The following DIAPH2 variants were observed in gnomAD, a reference collection of about 807,000 sequenced individuals.
DIAPH2 encodes the protein diaphanous related formin 2, also known as protein diaphanous homolog 2.
Under a neutral mutation model 92.7 loss-of-function variants are expected in DIAPH2, and 35 were observed. The ratio of observed to expected loss-of-function variants is 0.38; its 90% CI spans 0.29 to 0.50. The LOEUF is 0.50. DIAPH2 is among the 20% of genes least tolerant of loss of function. The pLI is 0.94. For missense variants in DIAPH2, 701 were observed against 819.5 expected, an observed-to-expected ratio of 0.86 and a Z score of 1.77; for synonymous variants, 301 against 280.4, an observed-to-expected ratio of 1.07 and a Z score of -0.73.
intron 4 of DIAPH2, among the ~76,000 whole-genome samples, chrX:96,844,855 C>A (rs1002920184): frequency 8.9e-6 from 1 of 112,172 alleles, no homozygotes; most frequent in Non-Finnish European, 1.9e-5. Flanking sequence ...ACACCCCATT[C>A]ATTACACAAG....
chrX:97,158,045 T>C (rs1393188462), intron 22 of DIAPH2, among the ~76,000 whole-genome samples: 1 of 111,914 alleles, frequency 8.9e-6, no homozygotes, highest in Non-Finnish European at 1.9e-5. Flanking sequence ...AGTCAGTTTA[T>C]TATATATCAA....
At position 96,923,236 on chromosome X, in the gene DIAPH2, G is replaced by T. The variant is rs151235101; in HGVS notation, c.978+4619G>T. Reference sequence around the variant, plus strand: ...ATATTTCAATATATACAAAGAAGTGGAGTAGCATAATTTAATACATTTAAA... The same window carrying T: ...ATATTTCAATATATACAAAGAAGTGTAGTAGCATAATTTAATACATTTAAA... On this transcript the variant is annotated intron_variant, in intron 9 of 26. Coordinates refer to ENST00000324765, the MANE Select transcript of DIAPH2 (RefSeq NM_006729.5). Among the ~76,000 whole-genome samples, 772 of 111,974 alleles carry T rather than the reference G, an allele frequency of 6.9e-3. 25 individuals carry two copies. Among genetic ancestry groups the T allele is most frequent in the Admixed American group, 0.059 (627 of 10,552 alleles).
chrX:96,849,326 C>G (rs750321398), intron 4 of DIAPH2, among the ~76,000 whole-genome samples: 1 of 111,091 alleles, frequency 9.0e-6, no homozygotes, highest in African/African-American at 3.3e-5. Context: ...CCACCACGCC[C>G]GGATAATTTT....
At chrX:97,291,088 CAAAAA>C (rs376936652) in intron 23 of DIAPH2, among the ~76,000 whole-genome samples, 3 of 95,616 alleles carry the variant, frequency 3.1e-5, no homozygotes, top group African/African-American at 1.2e-4. Context: ...CAGGCTCTGT[CAAAAA>C]AAAAACAAAA....
At chrX:97,495,872 C>T (rs1201274248) in intron 26 of DIAPH2, among the ~76,000 whole-genome samples, 1 of 111,551 alleles carries the variant, frequency 9.0e-6, no homozygotes, top group Non-Finnish European at 1.9e-5. Flanking sequence ...AGTGAATGAC[C>T]ATTTCTGGAG....
rs969898812 is a variant in DIAPH2 at position 97,473,395 on chromosome X, C to T, written c.3241+43650C>T. Among the ~76,000 whole-genome samples the T allele has an allele frequency of 1.7e-4, 19 of 111,404 alleles. No individual in the cohort carries two copies. In the Admixed American group the frequency reaches 1.7e-3, roughly 10 times the overall value. ...TGTCGCCCAGGCTGGAGTGCAATGG[C>T]GTAATCTCTGCTCACTGCAACCTCC... On this transcript the variant is annotated intron_variant, in intron 26 of 26. Transcript: ENST00000324765.
intron 22 of DIAPH2, among the ~76,000 whole-genome samples, chrX:97,228,450 GGTAA>G (rs2067982972): frequency 9.0e-6 from 1 of 111,389 alleles, no homozygotes; most frequent in African/African-American, 3.3e-5. Context: ...GTTGACGTAT[GGTAA>G]GTAAGACAGG....
At chrX:97,383,783 T>C in intron 24 of DIAPH2, 126 bp from the exon 25 acceptor site, 1 of 560,341 alleles carries the variant, frequency 1.8e-6, no homozygotes, top group Non-Finnish European at 2.6e-6. Flanking sequence ...ATATAAGTAA[T>C]GGAAAGGTTT....
intron 22 of DIAPH2, among the ~76,000 whole-genome samples, chrX:97,196,962 T>A (rs1384749363): frequency 9.1e-6 from 1 of 110,255 alleles, no homozygotes; most frequent in Non-Finnish European, 1.9e-5. Context: ...AATTTTGTAT[T>A]TTTAGTGGAA....
In DIAPH2 at chrX:97,115,404, C is replaced by T. The variant is rs186325367; in HGVS notation, c.2589+439C>T. ...TACAAAAATTAGTGGGGCGCGGTGA[C>T]GGGTACCTGTAATCCCAGCTACTCT... is the stretch of plus-strand genomic sequence containing the variant. On this transcript the variant is annotated intron_variant, in intron 21 of 26. Transcript: ENST00000324765. 3.4e-3 allele frequency among the ~76,000 whole-genome samples: 376 copies of T among 110,233 alleles called. 1 individual carries two copies. The highest frequency in any genetic ancestry group is 0.012 in the African/African-American group (366 of 30,277).
chrX:96,962,356 TATATATATACAC>T (rs2065860469), intron 16 of DIAPH2, among the ~76,000 whole-genome samples: 2 of 55,327 alleles, frequency 3.6e-5, no homozygotes, highest in African/African-American at 1.2e-4. Context: ...TATATACACA[TATATATATACAC>T]ATATATATAT....
intron 1 of DIAPH2, among the ~76,000 whole-genome samples, chrX:96,713,093 A>T (rs778176730): frequency 1.1e-4 from 12 of 111,711 alleles, no homozygotes; most frequent in Non-Finnish European, 1.5e-4. Flanking sequence ...CAAGGCACGT[A>T]CTAGTACATA....
intron 26 of DIAPH2, among the ~76,000 whole-genome samples, chrX:97,508,656 C>A (rs759918482): frequency 2.9e-4 from 33 of 112,131 alleles, no homozygotes; most frequent in Non-Finnish European, 5.3e-4. Context: ...GGAGTCATTA[C>A]TTACATTATG....
At chrX:97,016,701 G>T (rs2066263497) in intron 17 of DIAPH2, among the ~76,000 whole-genome samples, 1 of 112,262 alleles carries the variant, frequency 8.9e-6, no homozygotes, top group African/African-American at 3.2e-5. Context: ...AAAAGGAGCT[G>T]CCCAATTCTT....
At chrX:96,688,811 C>T (rs145759625) in intron 1 of DIAPH2, among the ~76,000 whole-genome samples, 4 of 111,882 alleles carry the variant, frequency 3.6e-5, no homozygotes, top group African/African-American at 9.8e-5. Flanking sequence ...GTGAGCCAGA[C>T]GTGGTAGCTT....
chrX:97,352,747 G>A (rs1472937414), intron 24 of DIAPH2, among the ~76,000 whole-genome samples: 1 of 105,861 alleles, frequency 9.4e-6, no homozygotes, highest in Non-Finnish European at 2.0e-5. Context: ...GCAGGTGCCT[G>A]TAGTCCCAGC....
At chrX:97,137,205 G>A (rs2067176077) in intron 21 of DIAPH2, among the ~76,000 whole-genome samples, 1 of 101,028 alleles carries the variant, frequency 9.9e-6, no homozygotes, top group Non-Finnish European at 2.0e-5. Context: ...GTGTGTTCTG[G>A]AAAAGTTTGG....
intron 4 of DIAPH2, among the ~76,000 whole-genome samples, chrX:96,774,639 GCCT>G (rs1426762064): frequency 2.7e-5 from 3 of 111,853 alleles, no homozygotes; most frequent in Non-Finnish European, 5.6e-5. Context: ...TTTAGCAATG[GCCT>G]ATAATTCTAA....
chrX:96,758,362 C>G, intron 4 of DIAPH2, 104 bp downstream of exon 4: 1 of 524,996 alleles, frequency 1.9e-6, no homozygotes, highest in Non-Finnish European at 2.9e-6. Flanking sequence ...CCTCATTGTA[C>G]TCATATAGAC....
Sources: allele counts gnomAD v4.1 joint callset (sites outside exome capture counted in the v4.1 genomes callset), GRCh38; gene constraint gnomAD v4.1.1; transcripts MANE v1.5; gene names NCBI Gene and HGNC (gene_info 2026-07-23, HGNC 2026-07-21).